The following TEX2 variants were observed in gnomAD, a reference collection of about 807,000 sequenced individuals.
TEX2 encodes the protein testis expressed 2.
Under a neutral mutation model 106.9 loss-of-function variants are expected in TEX2, and 53 were observed. The ratio of observed to expected loss-of-function variants is 0.50; its 90% confidence interval spans 0.40 to 0.62. The LOEUF is 0.62. Among genes scored for constraint, TEX2 ranks in the 20% least tolerant of loss-of-function variants. The probability of loss-of-function intolerance (pLI) is 0.00; values close to 1 mark genes in which losing one functional copy is unlikely to be tolerated. For synonymous variants in TEX2, 523 were observed against 534.8 expected, an observed-to-expected ratio of 0.98 and a Z score of 0.30; for missense variants, 1,207 against 1,379.0, an observed-to-expected ratio of 0.88 and a Z score of 1.98.
chr17:64,168,701 G>A (rs1803560642), intron 7 of TEX2, among the ~76,000 whole-genome samples: 1 of 152,150 alleles, frequency 6.6e-6, no homozygotes, highest in Non-Finnish European at 1.5e-5. Context: ...AAAATAGAGC[G>A]TGCACACTTA....
chr17:64,193,093 GCTGCATGGTTAT>G, intron 4 of TEX2, among the ~76,000 whole-genome samples: 1 of 152,338 alleles, frequency 6.6e-6, no homozygotes, highest in Middle Eastern at 3.4e-3. Flanking sequence ...GCAAAGAGGT[GCTGCATGGTTAT>G]CAATCCGAAT....
chr17:64,163,796 T>C (rs1214193067), intron 7 of TEX2, among the ~76,000 whole-genome samples: 1 of 152,220 alleles, frequency 6.6e-6, no homozygotes, highest in East Asian at 1.9e-4. Context: ...CACTGCCCCA[T>C]GAGCACCATC....
chr17:64,187,582 C>G (rs1362456086), intron 5 of TEX2, among the ~76,000 whole-genome samples: 1 of 152,146 alleles, frequency 6.6e-6, no homozygotes, highest in Non-Finnish European at 1.5e-5. Flanking sequence ...ATACTTAGAT[C>G]AGTCAACATC....
At chr17:64,156,426 G>A (rs2030631908) in intron 8 of TEX2, among the ~76,000 whole-genome samples, 2 of 152,150 alleles carry the variant, frequency 1.3e-5, no homozygotes, top group African/African-American at 4.8e-5. Flanking sequence ...TCTTGTCCCT[G>A]GCCATGGGAC....
At chr17:64,231,660 G>C (rs1335882309) in intron 1 of TEX2, among the ~76,000 whole-genome samples, 1 of 152,212 alleles carries the variant, frequency 6.6e-6, no homozygotes, top group African/African-American at 2.4e-5. Flanking sequence ...GGTGAGAACT[G>C]AATAGGTCCT....
At position 64,205,241 on chromosome 17, in the gene TEX2, C is replaced by T. The variant is rs1438427299; in HGVS notation, c.1644+7333G>A. On this transcript the variant is annotated intron_variant, in intron 2 of 11. Transcript: ENST00000584379. This position sits in a 1 kb window ranked among gnomAD's most constrained non-coding sequence, Gnocchi z 4.0. ...CTGAGGCAGGAGAATTGCCTGAACC[C>T]GGGAGGCAGAGGTTGCAGTGAGCCA... 3.3e-5 allele frequency among the ~76,000 whole-genome samples: 5 copies of T among 152,112 alleles called. No homozygotes were observed. The highest frequency in any genetic ancestry group is 7.3e-5 in the Non-Finnish European group (5 of 68,036).
At chr17:64,223,888 T>C (rs2143227397) in intron 1 of TEX2, among the ~76,000 whole-genome samples, 1 of 152,252 alleles carries the variant, frequency 6.6e-6, no homozygotes, top group South Asian at 2.1e-4. Context: ...ACTAATGTTT[T>C]TTATTTTTAG....
At chr17:64,152,856 T>C in intron 10 of TEX2, 89 bp downstream of exon 10, 1 of 1,362,284 alleles carries the variant, frequency 7.3e-7, no homozygotes, top group South Asian at 1.4e-5. Flanking sequence ...AGAAGGTACT[T>C]TCCATAACCT....
intron 1 of TEX2, among the ~76,000 whole-genome samples, chr17:64,258,801 C>A (rs961681197): frequency 2.2e-4 from 34 of 151,744 alleles, no homozygotes; most frequent in Non-Finnish European, 3.7e-4. Context: ...ACTCTGTCAC[C>A]CAGGCTGGAG....
intron 1 of TEX2, among the ~76,000 whole-genome samples, chr17:64,234,685 G>A (rs1445895090): frequency 1.3e-5 from 2 of 152,112 alleles, no homozygotes; most frequent in Admixed American, 6.6e-5. Flanking sequence ...TAAATGGGAC[G>A]GCACTTCATA....
At chr17:64,167,315 T>A (rs2031182182) in intron 7 of TEX2, among the ~76,000 whole-genome samples, 2 of 152,210 alleles carry the variant, frequency 1.3e-5, no homozygotes, top group South Asian at 4.1e-4. Context: ...CCTAGTAGGA[T>A]CTGCCAGCTT....
intron 10 of TEX2, among the ~76,000 whole-genome samples, chr17:64,151,979 A>G (rs1419390490): frequency 6.6e-6 from 1 of 152,196 alleles, no homozygotes; most frequent in Non-Finnish European, 1.5e-5. Context: ...ACTTTAAAAA[A>G]GTATAAAAAG....
chr17:64,164,958 G>A (rs1224920187), intron 7 of TEX2, among the ~76,000 whole-genome samples: 1 of 152,222 alleles, frequency 6.6e-6, no homozygotes, highest in Non-Finnish European at 1.5e-5. Context: ...TCTCACTGGA[G>A]TAGGCTTGAG....
At chr17:64,257,950 C>T (rs1415876092) in intron 1 of TEX2, among the ~76,000 whole-genome samples, 2 of 150,032 alleles carry the variant, frequency 1.3e-5, no homozygotes, top group South Asian at 2.1e-4. Flanking sequence ...CTCGCTCTGT[C>T]GCCCAGGCTG....
At chr17:64,181,473 A>T (rs1267375922) in intron 5 of TEX2, among the ~76,000 whole-genome samples, 3 of 7,346 alleles carry the variant, frequency 4.1e-4, no homozygotes, top group Admixed American at 2.2e-3. Context: ...AGGCTATCTC[A>T]AAAAAAAAAA....
chr17:64,152,987 G>A lies in TEX2; in HGVS notation c.3098C>T (p.Thr1033Ile), dbSNP rs371854163. The change falls in exon 10 of 12, where the codon ACC becomes ATC. Residue 1033 changes from threonine (T) to isoleucine (I), a missense_variant. Physicochemically the swap from Thr to Ile is moderately conservative, Grantham distance 89 (BLOSUM62 -1). Coordinates refer to ENST00000584379, the MANE Select transcript of TEX2 (RefSeq NM_001288732.2). Reference protein sequence around the residue: ...LTVEVQECRGTLAVNIPPPPT... With the variant: ...LTVEVQECRGILAVNIPPPPT... Reference sequence around the variant, plus strand: ...GGGTGGTGGAATGTTGACCGCCAAGGTTCCTCTACATTCTTGTACTTCAAC... The same window carrying A: ...GGGTGGTGGAATGTTGACCGCCAAGATTCCTCTACATTCTTGTACTTCAAC... 6.8e-6 allele frequency: 11 copies of A among 1,614,038 alleles called. No homozygotes were observed. The highest frequency in any genetic ancestry group is 9.3e-6 in the Non-Finnish European group (11 of 1,180,034).
intron 1 of TEX2, among the ~76,000 whole-genome samples, chr17:64,225,551 C>T (rs367686122): frequency 7.2e-5 from 11 of 152,202 alleles, no homozygotes; most frequent in African/African-American, 2.7e-4. Flanking sequence ...CATTCCTAAA[C>T]CGTAGGCTCT....
At chr17:64,165,965 G>A (rs1037833877) in intron 7 of TEX2, among the ~76,000 whole-genome samples, 42 of 152,198 alleles carry the variant, frequency 2.8e-4, no homozygotes, top group African/African-American at 8.4e-4. Flanking sequence ...ACACTCAGTG[G>A]CTATTTGCAG....
chr17:64,155,028 AACACACACACCCATGC>A (rs1407473908), intron 8 of TEX2, 61 bp from the exon 9 acceptor site: 4 of 1,490,476 alleles, frequency 2.7e-6, no homozygotes, highest in Non-Finnish European at 3.6e-6. Flanking sequence ...TTAGAAAGAG[AACACACACACCCATGC>A]ACACACACTC....
Sources: gnomAD v4.1 joint callset for allele counts (sites outside exome capture counted in the v4.1 genomes callset) on GRCh38, gnomAD v4.1.1 for gene constraint, Gnocchi (gnomAD v3.1) non-coding constraint, MANE v1.5 for transcripts, NCBI Gene and HGNC (gene_info 2026-07-23, HGNC 2026-07-21) for gene names.